The following ANXA4 variants were observed in gnomAD, a reference collection of about 807,000 sequenced individuals.
ANXA4 encodes annexin A4, also known as 35-beta calcimedin.
A neutral mutation model predicts 49.8 loss-of-function variants in ANXA4; 39 were observed. That is an observed-to-expected ratio of 0.78 (90% CI 0.61 to 1.02). The LOEUF is 1.02. Among genes scored for constraint, ANXA4 ranks in the 50% least tolerant of loss-of-function variants. The pLI, the probability that ANXA4 is intolerant of heterozygous loss-of-function variation, is 0.00. For synonymous variants in ANXA4, 134 were observed against 152.5 expected, an observed-to-expected ratio of 0.88 and a Z score of 0.89; for missense variants, 360 against 410.1, an observed-to-expected ratio of 0.88 and a Z score of 1.05.
intron 2 of ANXA4, among the ~76,000 whole-genome samples, chr2:69,697,358 G>C (rs1678191096): frequency 6.6e-6 from 1 of 152,228 alleles, no homozygotes; most frequent in South Asian, 2.1e-4. Flanking sequence ...GGATTGAAAA[G>C]AGTTTAGTGC....
Position 69,807,809 on chromosome 2 carries a change from A to G in ANXA4, c.307-97A>G, listed in dbSNP as rs926357727. 3 of 1,039,546 alleles carry G rather than the reference A, an allele frequency of 2.9e-6. No homozygotes were observed. In the African/African-American group the frequency reaches 4.8e-5, roughly 16 times the overall value. 64.4% of individuals were successfully genotyped at this position (1,039,546 alleles called of 1,614,324 possible). A position where few individuals can be genotyped will look rare whatever the true frequency, so the allele number is the denominator to read the frequency against. ...TGTTAGAACGCAGTGGATTGTCTTT[A>G]TTCTCTGCAGATTCATGACAGATGT... is the stretch of plus-strand genomic sequence containing the variant. On this transcript the variant is annotated intron_variant, in intron 5 of 12. Transcript: ENST00000394295.
intron 8 of ANXA4, chr2:69,814,740 A>AGG (rs1376610526): frequency 1.1e-4 from 16 of 141,338 alleles, no homozygotes; most frequent in African/African-American, 2.2e-4. Context: ...AGAGACACAG[A>AGG]GGGGTGTGTG....
chr2:69,769,017 C>G (rs1202266367), intron 1 of ANXA4, among the ~76,000 whole-genome samples: 1 of 152,084 alleles, frequency 6.6e-6, no homozygotes, highest in East Asian at 1.9e-4. Flanking sequence ...AGGGGTCACT[C>G]AGAAAATAAA....
At chr2:69,732,339 C>A (rs1016628409) in intron 3 of ANXA4, among the ~76,000 whole-genome samples, 1 of 151,868 alleles carries the variant, frequency 6.6e-6, no homozygotes, top group South Asian at 2.1e-4. Context: ...TTGTGGGTGT[C>A]GCTCGCTGTG....
rs556992392 is a variant in ANXA4 at position 69,749,050 on chromosome 2, T to C, written c.-47+6875T>C. Among the ~76,000 whole-genome samples, 10 of 152,120 alleles carry C rather than the reference T, an allele frequency of 6.6e-5. No homozygotes were observed. In the East Asian group the frequency reaches 1.7e-3, roughly 26 times the overall value. ...TTTAGAGGAAAGAGAGTTGAGGAAG[T>C]GTGGATGTTTTAGGGAGGTGGCAAC... On this transcript the variant is annotated intron_variant, in intron 1 of 12. Transcript: ENST00000394295.
chr2:69,649,697 G>A (rs942964080), intron 1 of ANXA4, among the ~76,000 whole-genome samples: 21 of 140,380 alleles, frequency 1.5e-4, no homozygotes, highest in East Asian at 2.2e-4. Flanking sequence ...CTGCAGCCTC[G>A]ACCTCCTGGG....
chr2:69,673,399 G>C (rs1257715353), intron 2 of ANXA4, among the ~76,000 whole-genome samples: 3 of 150,648 alleles, frequency 2.0e-5, no homozygotes, highest in Non-Finnish European at 2.9e-5. Context: ...AAACTAACAT[G>C]AGAACAGAAA....
intron 1 of ANXA4, among the ~76,000 whole-genome samples, chr2:69,648,820 CAA>C (rs372749631): frequency 1.1e-3 from 49 of 44,916 alleles, no homozygotes; most frequent in South Asian, 4.7e-3. Flanking sequence ...GACTCAGTCT[CAA>C]AAAAAAAAAA....
chr2:69,798,057 A>G (rs753366015), intron 3 of ANXA4, among the ~76,000 whole-genome samples: 1 of 152,208 alleles, frequency 6.6e-6, no homozygotes, highest in African/African-American at 2.4e-5. Flanking sequence ...TTTGCCTCAT[A>G]GAGGGGCTAT....
At chr2:69,769,553 T>G (rs549607916) in intron 1 of ANXA4, among the ~76,000 whole-genome samples, 11 of 152,204 alleles carry the variant, frequency 7.2e-5, no homozygotes, top group Non-Finnish European at 1.6e-4. Context: ...AAGTGTTCCC[T>G]CCCTCCTTCC....
At chr2:69,801,931 G>A (rs922095294) in intron 3 of ANXA4, among the ~76,000 whole-genome samples, 7 of 152,156 alleles carry the variant, frequency 4.6e-5, no homozygotes, top group African/African-American at 1.7e-4. Context: ...TAAATGGAGG[G>A]GGTTAAGAGG....
chr2:69,661,725 T>C (rs1385947859), intron 2 of ANXA4, among the ~76,000 whole-genome samples: 2 of 151,942 alleles, frequency 1.3e-5, no homozygotes, highest in African/African-American at 4.8e-5. Context: ...AGAAGCAACA[T>C]GACAGTAGGA....
At position 69,821,161 on chromosome 2, in the gene ANXA4, G is replaced by T. The variant is rs1383120421; in HGVS notation, c.906+340G>T. Reference sequence around the variant, plus strand: ...GAGTCCTAGGCAGGGGCCAGCTGAGGTCTGCTGGGAATATGGGAAAGCATT... The same window carrying T: ...GAGTCCTAGGCAGGGGCCAGCTGAGTTCTGCTGGGAATATGGGAAAGCATT... On this transcript the variant is annotated intron_variant, in intron 12 of 12. Coordinates refer to ENST00000394295, the MANE Select transcript of ANXA4 (RefSeq NM_001153.5). Among the ~76,000 whole-genome samples, 3 of 152,186 alleles carry T rather than the reference G, an allele frequency of 2.0e-5. No homozygotes were observed. In the East Asian group the frequency reaches 5.8e-4, roughly 29 times the overall value.
At chr2:69,773,012 T>C (rs907321384) in intron 1 of ANXA4, among the ~76,000 whole-genome samples, 1 of 148,888 alleles carries the variant, frequency 6.7e-6, no homozygotes, top group Non-Finnish European at 1.5e-5. Context: ...CGAGACTGTC[T>C]CAAAAAAAAA....
chr2:69,742,576 A>C (rs1170081342), intron 1 of ANXA4, among the ~76,000 whole-genome samples: 1 of 151,936 alleles, frequency 6.6e-6, no homozygotes. Flanking sequence ...TTAATTCTTT[A>C]CTCCATTTAA....
At chr2:69,708,333 G>A (rs72901446) in intron 2 of ANXA4, among the ~76,000 whole-genome samples, 268 of 152,236 alleles carry the variant, frequency 1.8e-3, no homozygotes, top group African/African-American at 6.3e-3. Flanking sequence ...AACTCTCTAC[G>A]GACACGACTA....
At chr2:69,679,450 G>A (rs1677522110) in intron 2 of ANXA4, among the ~76,000 whole-genome samples, 2 of 152,192 alleles carry the variant, frequency 1.3e-5, no homozygotes, top group African/African-American at 4.8e-5. Context: ...CTATTAAACA[G>A]GTTGTCTCTT....
chr2:69,698,668 G>T (rs183974119), intron 2 of ANXA4, among the ~76,000 whole-genome samples: 150 of 152,260 alleles, frequency 9.9e-4, no homozygotes, highest in African/African-American at 3.3e-3. Flanking sequence ...GGGCAAGTGT[G>T]AACTGTTACT....
intron 3 of ANXA4, among the ~76,000 whole-genome samples, chr2:69,724,825 A>G (rs901000907): frequency 6.6e-6 from 1 of 152,246 alleles, no homozygotes; most frequent in Admixed American, 6.5e-5. Context: ...TTCTTCTGCC[A>G]CTAGATGGCG....
Sources: allele counts gnomAD v4.1 joint callset (sites outside exome capture counted in the v4.1 genomes callset), GRCh38; gene constraint gnomAD v4.1.1; transcripts MANE v1.5; gene names NCBI Gene and HGNC (gene_info 2026-07-23, HGNC 2026-07-21).